HS3ST4: variants seen among roughly 807,000 people sequenced by gnomAD.
HS3ST4 encodes heparan sulfate-glucosamine 3-sulfotransferase 4.
A neutral mutation model predicts 29.2 loss-of-function variants in HS3ST4; 17 were observed. That is an observed-to-expected ratio of 0.58 (90% CI 0.40 to 0.87). The LOEUF (loss-of-function observed/expected upper bound fraction) is 0.87, where lower values mean the gene tolerates loss of function less well. Ranked by LOEUF, HS3ST4 falls within the 40% of genes least tolerant of loss-of-function variation. The probability of loss-of-function intolerance (pLI) is 0.00; values close to 1 mark genes in which losing one functional copy is unlikely to be tolerated. For missense variants in HS3ST4, 627 were observed against 634.5 expected (o/e 0.99, Z 0.13); for synonymous variants, 314 against 285.7 (o/e 1.10, Z -1.00).
intron 1 of HS3ST4, among the ~76,000 whole-genome samples, chr16:25,989,831 C>T (rs778838320): frequency 1.8e-4 from 28 of 152,184 alleles, no homozygotes; most frequent in Non-Finnish European, 3.2e-4. Context: ...TCAGCAAAGA[C>T]GCATTATGAT....
chr16:25,790,146 G>A (rs904125825), intron 1 of HS3ST4, among the ~76,000 whole-genome samples: 4 of 150,560 alleles, frequency 2.7e-5, no homozygotes, highest in Non-Finnish European at 5.9e-5. Flanking sequence ...CATGGTTCAT[G>A]CCTGTAATCC....
At chr16:26,057,447 T>C (rs1014568453) in intron 1 of HS3ST4, among the ~76,000 whole-genome samples, 3 of 152,154 alleles carry the variant, frequency 2.0e-5, no homozygotes, top group South Asian at 2.1e-4. Flanking sequence ...GAAGAAGTGA[T>C]GTGTATCACT....
chr16:26,000,033 A>G (rs1969199742), intron 1 of HS3ST4, among the ~76,000 whole-genome samples: 1 of 151,328 alleles, frequency 6.6e-6, no homozygotes, highest in Non-Finnish European at 1.5e-5. Context: ...GTTGAAAAGT[A>G]ATTATCTGTA....
At chr16:26,132,871 A>G (rs1899438437) in intron 1 of HS3ST4, among the ~76,000 whole-genome samples, 1 of 152,210 alleles carries the variant, frequency 6.6e-6, no homozygotes, top group African/African-American at 2.4e-5. Flanking sequence ...TTTTTGCATC[A>G]AGATTTATCT....
At chr16:26,083,544 T>A (rs1360679458) in intron 1 of HS3ST4, among the ~76,000 whole-genome samples, 3 of 152,190 alleles carry the variant, frequency 2.0e-5, no homozygotes, top group African/African-American at 7.2e-5. Flanking sequence ...GAGGTCTTTG[T>A]CACAGCTACT....
intron 1 of HS3ST4, among the ~76,000 whole-genome samples, chr16:25,758,536 A>G (rs1381666014): frequency 6.6e-6 from 1 of 152,148 alleles, no homozygotes; most frequent in Non-Finnish European, 1.5e-5. Flanking sequence ...TTTCTCATTT[A>G]TCTGAACTTC....
chr16:26,065,492 G>A (rs1350569508), intron 1 of HS3ST4, among the ~76,000 whole-genome samples: 1 of 152,156 alleles, frequency 6.6e-6, no homozygotes, highest in African/African-American at 2.4e-5. Flanking sequence ...GGTGGGAGGA[G>A]GGAGAAGATA....
At chr16:25,856,761 A>G (rs1196599882) in intron 1 of HS3ST4, among the ~76,000 whole-genome samples, 1 of 152,208 alleles carries the variant, frequency 6.6e-6, no homozygotes, top group African/African-American at 2.4e-5. Flanking sequence ...GCTCTATGCC[A>G]TCTTTCAACC....
At chr16:26,071,767 C>G (rs1488473564) in intron 1 of HS3ST4, among the ~76,000 whole-genome samples, 1 of 152,072 alleles carries the variant, frequency 6.6e-6, no homozygotes, top group Non-Finnish European at 1.5e-5. Flanking sequence ...TTGAAGGGAG[C>G]GCTCACTCTC....
chr16:25,704,320 T>C (rs750805548), intron 1 of HS3ST4, among the ~76,000 whole-genome samples: 1 of 152,208 alleles, frequency 6.6e-6, no homozygotes, highest in Non-Finnish European at 1.5e-5. Flanking sequence ...CAAAGGTTCC[T>C]ATAGCACACA....
chr16:26,102,587 C>T (rs534167920), intron 1 of HS3ST4, among the ~76,000 whole-genome samples: 223 of 152,258 alleles, frequency 1.5e-3, no homozygotes, highest in Middle Eastern at 3.4e-3. Context: ...CGTTCAAGAT[C>T]GTACGTACAA....
intron 1 of HS3ST4, among the ~76,000 whole-genome samples, chr16:25,784,239 C>T (rs1020720821): frequency 1.2e-4 from 19 of 152,276 alleles, no homozygotes; most frequent in African/African-American, 4.6e-4. Context: ...TTCCAATTCC[C>T]TGAGACACAA....
intron 1 of HS3ST4, among the ~76,000 whole-genome samples, chr16:25,998,850 A>G (rs528148348): frequency 3.3e-5 from 5 of 152,296 alleles, no homozygotes; most frequent in South Asian, 2.1e-4. Context: ...AAGTGTCCAT[A>G]TAAGTTTTTA....
rs529083219 is a variant in HS3ST4 at position 25,788,258 on chromosome 16, C to CA, written c.734+95115dup. Among the ~76,000 whole-genome samples, 759 of 151,348 alleles carry CA rather than the reference C, an allele frequency of 5.0e-3. 9 individuals carry two copies. Among genetic ancestry groups the CA allele is most frequent in the African/African-American group, 0.017 (714 of 41,350 alleles). ...CGAAAACTTATCTTTACTAAAAATA[C>CA]AAAAAAAATAGCTGTGTGTGGTGAT... is the stretch of plus-strand genomic sequence containing the variant. On this transcript the variant is annotated intron_variant, in intron 1 of 1. Transcript: ENST00000331351.
At chr16:25,845,647 GTAA>G (rs60639924) in intron 1 of HS3ST4, among the ~76,000 whole-genome samples, 3,454 of 143,296 alleles carry the variant, frequency 0.024, 55 homozygotes, top group East Asian at 0.037. Flanking sequence ...GGAATAGCAT[GTAA>G]TAATAATAAT....
chr16:26,062,252 G>A (rs1206416786), intron 1 of HS3ST4, among the ~76,000 whole-genome samples: 1 of 152,244 alleles, frequency 6.6e-6, no homozygotes, highest in Non-Finnish European at 1.5e-5. Flanking sequence ...GAGTCAGACA[G>A]AGCTGGTTCA....
intron 1 of HS3ST4, among the ~76,000 whole-genome samples, chr16:25,813,567 A>G (rs1470365229): frequency 1.3e-5 from 2 of 152,218 alleles, no homozygotes; most frequent in Non-Finnish European, 2.9e-5. Flanking sequence ...ATTGCAATCT[A>G]GCCTGGGCAG....
intron 1 of HS3ST4, among the ~76,000 whole-genome samples, chr16:26,035,861 A>G (rs551850284): frequency 3.3e-5 from 5 of 152,286 alleles, no homozygotes; most frequent in African/African-American, 7.2e-5. Flanking sequence ...TAAAGATGAC[A>G]CCTTGGAGCT....
Position 25,989,582 on chromosome 16 carries a change from A to G in HS3ST4, c.735-146030A>G, listed in dbSNP as rs978530495. ...AATTTTATTTTTCTTTAACATAGGC[A>G]TTTACAAGCAATAGCTCAACATAAG... On this transcript the variant is annotated intron_variant, in intron 1 of 1. Transcript: ENST00000331351. Among the ~76,000 whole-genome samples the G allele has an allele frequency of 1.1e-4, 17 of 152,306 alleles. 1 individual carries two copies. The highest frequency in any genetic ancestry group is 3.8e-4 in the African/African-American group (16 of 41,562).
Sources: allele counts gnomAD v4.1 joint callset (sites outside exome capture counted in the v4.1 genomes callset), GRCh38; gene constraint gnomAD v4.1.1; transcripts MANE v1.5; gene names NCBI Gene and HGNC (gene_info 2026-07-23, HGNC 2026-07-21).